The following CSRNP2 variants were observed in gnomAD, a reference collection of about 807,000 sequenced individuals.
CSRNP2 encodes the protein cysteine and serine rich nuclear protein 2.
A neutral mutation model predicts 36.6 loss-of-function variants in CSRNP2; 11 were observed. That is an observed-to-expected ratio of 0.30 (90% CI 0.19 to 0.50). CSRNP2 has a LOEUF of 0.50. CSRNP2 is among the 20% of genes least tolerant of loss of function. The pLI is 0.98. For synonymous variants in CSRNP2, 248 were observed against 275.3 expected, an observed-to-expected ratio of 0.90 and a Z score of 0.98; for missense variants, 483 against 691.4, an observed-to-expected ratio of 0.70 and a Z score of 3.38.
rs1303610291 is a variant in CSRNP2 at position 51,083,517 on chromosome 12, C to T, written c.-265G>A. 1.3e-5 allele frequency: 2 copies of T among 152,402 alleles called. No homozygotes were observed. The highest frequency in any genetic ancestry group is 2.9e-5 in the Non-Finnish European group (2 of 68,090). The allele number at this position is 152,402 out of a possible 1,614,324, so 9.4% of individuals were successfully genotyped here. On this transcript the variant is annotated 5_prime_UTR_variant, in exon 1 of 5. Coordinates refer to ENST00000228515, the MANE Select transcript of CSRNP2 (RefSeq NM_030809.3). Reference sequence around the variant, plus strand: ...GGCGGTGGGCAGCCCAGCCGGCAGGCAGAGAGGGCCGGGCGTCTCCGGCAA... The same window carrying T: ...GGCGGTGGGCAGCCCAGCCGGCAGGTAGAGAGGGCCGGGCGTCTCCGGCAA...
intron 4 of CSRNP2, among the ~76,000 whole-genome samples, chr12:51,065,123 T>C (rs959471730): frequency 2.6e-5 from 4 of 152,136 alleles, no homozygotes; most frequent in Middle Eastern, 3.2e-3. Flanking sequence ...ATGACAGGCA[T>C]GGGAGAGTGA....
intron 3 of CSRNP2, among the ~76,000 whole-genome samples, chr12:51,072,639 CTCT>C (rs1939225582): frequency 4.9e-5 from 2 of 40,910 alleles, no homozygotes; most frequent in Non-Finnish European, 1.1e-4. Flanking sequence ...CCCAGCCTCT[CTCT>C]CTCGAAGAAG....
At chr12:51,077,811 A>G (rs1357642320) in intron 1 of CSRNP2, among the ~76,000 whole-genome samples, 2 of 152,164 alleles carry the variant, frequency 1.3e-5, no homozygotes, top group Admixed American at 6.5e-5. Flanking sequence ...GAAAACAAAT[A>G]GCAAGAGAAG....
intron 3 of CSRNP2, among the ~76,000 whole-genome samples, chr12:51,070,707 GA>G (rs1939084659): frequency 1.3e-5 from 2 of 152,102 alleles, no homozygotes; most frequent in African/African-American, 4.8e-5. Flanking sequence ...AAAAATATTA[GA>G]AAAATTATAG....
chr12:51,079,667 G>C (rs567102271), intron 1 of CSRNP2, among the ~76,000 whole-genome samples: 1 of 151,454 alleles, frequency 6.6e-6, no homozygotes, highest in African/African-American at 2.4e-5. Context: ...AGCTACTCAG[G>C]AGGCTGTGGC....
chr12:51,076,745 C>T (rs1939419734), intron 1 of CSRNP2, 98 bp from the exon 2 acceptor site: 1 of 598,668 alleles, frequency 1.7e-6, no homozygotes, highest in African/African-American at 1.9e-5. Flanking sequence ...TCACCTAGCA[C>T]TGATGTCTGC....
At chr12:51,071,898 G>A (rs1056956318) in intron 3 of CSRNP2, among the ~76,000 whole-genome samples, 5 of 152,276 alleles carry the variant, frequency 3.3e-5, no homozygotes, top group Middle Eastern at 3.4e-3. Flanking sequence ...GTCAGTGATG[G>A]AATTCCTCAG....
In CSRNP2 at chr12:51,067,807, C is replaced by A; in HGVS notation, c.574G>T (p.Val192Phe). 6.2e-7 allele frequency: 1 copy of A among 1,614,220 alleles called. No homozygotes were observed. Among genetic ancestry groups the A allele is most frequent in the Non-Finnish European group, 8.5e-7 (1 of 1,180,042 alleles). ...TTCTCTTCAGCATCAATACGGTGGA[C>A]CCCAGAAGCCCTCAGCAGGGCCCGT... ...RRRALLRASG[V>F]HRIDAEEKQE... The change falls in exon 4 of 5, where the codon GTC becomes TTC. Residue 192 changes from valine (V) to phenylalanine (F), a missense_variant. Val to Phe is a conservative substitution (Grantham distance 50). Coordinates refer to ENST00000228515, the MANE Select transcript of CSRNP2 (RefSeq NM_030809.3). The surrounding 1 kb of genome is among the most constrained non-coding windows in gnomAD (Gnocchi z 4.1).
chr12:51,077,471 G>A (rs1939445724), intron 1 of CSRNP2, among the ~76,000 whole-genome samples: 1 of 152,142 alleles, frequency 6.6e-6, no homozygotes, highest in East Asian at 1.9e-4. Flanking sequence ...GGAACCCACT[G>A]TTTCCAAGGT....
rs1467619999 is a variant in CSRNP2 at position 51,064,460 on chromosome 12, C to G, written c.918G>C (p.Gln306His). 1.2e-6 allele frequency: 2 copies of G among 1,609,538 alleles called. No individual in the cohort carries two copies. Among genetic ancestry groups the G allele is most frequent in the African/African-American group, 2.7e-5 (2 of 74,830 alleles). The change falls in exon 5 of 5, where the codon CAG becomes CAC. Residue 306 changes from glutamine to histidine, a missense_variant. Physicochemically the swap from Gln to His is conservative, Grantham distance 24 (BLOSUM62 0). Around this residue, in one of 2 missense-constraint regions of CSRNP2, gnomAD observed 277 missense variants for 323.6 expected, o/e 0.86. Coordinates refer to ENST00000228515, the MANE Select transcript of CSRNP2 (RefSeq NM_030809.3). ...CCTGGAAGTCCTGGGTCTCAGAGCC[C>G]TGTGCTCCTGTCAGGCTGCAACTGG... is the stretch of plus-strand genomic sequence containing the variant. The part of the protein sequence containing the change: ...PTASCSLTGA[Q>H]GSETQDFQEF...
chr12:51,072,645 C>CGAAGAA (rs11403382), intron 3 of CSRNP2, among the ~76,000 whole-genome samples: 89,257 of 147,958 alleles, frequency 0.6, 27,735 homozygotes, highest in Non-Finnish European at 0.68. Flanking sequence ...CTCTCTCTCT[C>CGAAGAA]GAAGAAGAGG....
intron 1 of CSRNP2, among the ~76,000 whole-genome samples, chr12:51,078,300 C>T (rs773191713): frequency 1.1e-4 from 17 of 152,088 alleles, no homozygotes; most frequent in Admixed American, 5.2e-4. Context: ...ATCCAGATTG[C>T]ATCAAATTCT....
Position 51,077,159 on chromosome 12 carries a change from G to T in CSRNP2, c.-86-512C>A, listed in dbSNP as rs547629675. ...AGGGTCTCACTATGTTGCCCAGGCT[G>T]GTCTTGAACACCTGGGCTCGAGCAA... On this transcript the variant is annotated intron_variant, in intron 1 of 4. Transcript: ENST00000228515. 3.3e-5 allele frequency among the ~76,000 whole-genome samples: 5 copies of T among 152,214 alleles called. No individual in the cohort carries two copies. In the South Asian group the frequency reaches 1.0e-3, roughly 32 times the overall value.
chr12:51,080,146 AGGCAG>A (rs536789575), intron 1 of CSRNP2, among the ~76,000 whole-genome samples: 1 of 4,406 alleles, frequency 2.3e-4, no homozygotes, highest in Non-Finnish European at 4.5e-3. Context: ...GCAGGCAGGC[AGGCAG>A]GCAGGCAGGC....
chr12:51,071,259 C>CAAAAA (rs34960606), intron 3 of CSRNP2, among the ~76,000 whole-genome samples: 3 of 118,586 alleles, frequency 2.5e-5, no homozygotes, highest in African/African-American at 6.6e-5. Context: ...GACCCTGCAT[C>CAAAAA]AAAAAAAAAA....
At chr12:51,082,028 G>A (rs2136938960) in intron 1 of CSRNP2, among the ~76,000 whole-genome samples, 1 of 152,320 alleles carries the variant, frequency 6.6e-6, no homozygotes, top group Middle Eastern at 3.4e-3. Flanking sequence ...TTCTGCTAAA[G>A]GTCAAGGAAT....
At chr12:51,069,691 TC>T (rs1178271939) in intron 3 of CSRNP2, among the ~76,000 whole-genome samples, 1 of 148,362 alleles carries the variant, frequency 6.7e-6, no homozygotes, top group African/African-American at 2.6e-5. Flanking sequence ...TTTTTTTTTT[TC>T]TTTTTTTTCT....
At position 51,067,060 on chromosome 12, in the gene CSRNP2, G is replaced by T. The variant is rs535345291; in HGVS notation, c.708+613C>A. Among the ~76,000 whole-genome samples, 2 of 152,010 alleles carry T rather than the reference G, an allele frequency of 1.3e-5. No homozygotes were observed. The highest frequency in any genetic ancestry group is 4.2e-4 in the South Asian group (2 of 4,816). ...GCCCAGGCTGGTCTCGAACTCCTGG[G>T]AAGCAATCTGCCTGCCTGCCTCGGC... is the stretch of plus-strand genomic sequence containing the variant. On this transcript the variant is annotated intron_variant, in intron 4 of 4. Transcript: ENST00000228515. The surrounding 1 kb of genome is among the most constrained non-coding windows in gnomAD (Gnocchi z 4.1).
chr12:51,072,660 G>A (rs1939231572), intron 3 of CSRNP2, among the ~76,000 whole-genome samples: 2 of 150,712 alleles, frequency 1.3e-5, no homozygotes, highest in South Asian at 4.2e-4. Flanking sequence ...AAGAGGTGGT[G>A]CTGTATCAGG....
Sources: allele counts gnomAD v4.1 joint callset (sites outside exome capture counted in the v4.1 genomes callset), GRCh38; gene constraint gnomAD v4.1.1; regional missense constraint gnomAD v4.1.1; non-coding constraint Gnocchi (gnomAD v3.1); transcripts MANE v1.5; gene names NCBI Gene and HGNC (gene_info 2026-07-23, HGNC 2026-07-21).